The following MAPK8IP2 variants were observed in gnomAD, a reference collection of about 807,000 sequenced individuals.
The protein encoded by MAPK8IP2 is mitogen-activated protein kinase 8 interacting protein 2.
Under a neutral mutation model 75.6 loss-of-function variants are expected in MAPK8IP2, and 15 were observed. That is an observed-to-expected ratio of 0.20 (90% CI 0.13 to 0.31). The LOEUF (loss-of-function observed/expected upper bound fraction) is 0.31, where lower values mean the gene tolerates loss of function less well. MAPK8IP2 is among the 10% of genes least tolerant of loss of function. The pLI, the probability that MAPK8IP2 is intolerant of heterozygous loss-of-function variation, is 1.00. For missense variants in MAPK8IP2, 1,089 were observed against 1,211.2 expected (o/e 0.90, Z 1.50); for synonymous variants, 632 against 554.5 (o/e 1.14, Z -1.96).
rs982020188 is a variant in MAPK8IP2, at chr22:50,604,568, C to T, written c.1269C>T (p.Ala423=). ...TLCAPPPPAP[A]APRPGPAQPG... ...GCGCGCCGCCGCCGCCCGCGCCCGCCGCGCCTCGACCCGGCCCCGCGCAGC... is the reference window on the plus strand; with the variant it reads ...GCGCGCCGCCGCCGCCCGCGCCCGCTGCGCCTCGACCCGGCCCCGCGCAGC... Residue 423 remains alanine (A), a synonymous_variant, in exon 5 of 12, where the codon GCC becomes GCT. Coordinates refer to ENST00000329492, the MANE Select transcript of MAPK8IP2 (RefSeq NM_012324.6). 2.1e-5 allele frequency: 25 copies of T among 1,186,750 alleles called. No individual in the cohort carries two copies. The highest frequency in any genetic ancestry group is 4.2e-6 in the Non-Finnish European group (4 of 963,114). The allele number at this position is 1,186,750 out of a possible 1,614,324, so 73.5% of individuals were successfully genotyped here. A position where few individuals can be genotyped will look rare whatever the true frequency, so the allele number is the denominator to read the frequency against.
intron 2 of MAPK8IP2, among the ~76,000 whole-genome samples, 197 bp downstream of exon 2, chr22:50,602,091 C>T (rs139295091): frequency 2.0e-5 from 3 of 152,170 alleles, no homozygotes; most frequent in African/African-American, 2.4e-5. Flanking sequence ...CAGGCCTCCA[C>T]GCAGGGCCTT....
chr22:50,608,411 G>A (rs1218509380), intron 10 of MAPK8IP2, among the ~76,000 whole-genome samples: 2 of 127,248 alleles, frequency 1.6e-5, no homozygotes, highest in Non-Finnish European at 3.4e-5. Flanking sequence ...CAGACAGTGG[G>A]GCCAGCTCTG....
chr22:50,604,470 G>A lies in MAPK8IP2; in HGVS notation c.1171G>A (p.Ala391Thr), dbSNP rs1393002562. 6.7e-6 allele frequency: 9 copies of A among 1,352,624 alleles called. No homozygotes were observed. Among genetic ancestry groups the A allele is most frequent in the Non-Finnish European group, 8.5e-6 (9 of 1,057,726 alleles). 83.8% of individuals were successfully genotyped at this position (1,352,624 alleles called of 1,614,324 possible). A position where few individuals can be genotyped will look rare whatever the true frequency, so the allele number is the denominator to read the frequency against. Residue 391 changes from alanine to threonine, a missense_variant, in exon 5 of 12, where the codon GCC becomes ACC. Physicochemically the swap from Ala to Thr is moderately conservative, Grantham distance 58 (BLOSUM62 0). Around this residue, in one of 2 missense-constraint regions of MAPK8IP2, gnomAD observed 960 missense variants for 1,009.6 expected, o/e 0.95. Coordinates refer to ENST00000329492, the MANE Select transcript of MAPK8IP2 (RefSeq NM_012324.6). ...GCCCGTGTCGCCGGCCGGCGGGGCC[G>A]CCCAGGACTCCCAGGACCCCGAGGC... ...GEPVSPAGGA[A>T]QDSQDPEAAA...
At chr22:50,606,578 AGAG>A (rs1359787951) in intron 8 of MAPK8IP2, 77 bp from the exon 9 acceptor site, 2 of 943,644 alleles carry the variant, frequency 2.1e-6, no homozygotes, top group Non-Finnish European at 1.7e-6. Flanking sequence ...TAAAAGGAGC[AGAG>A]GCGTAGTCCC....
In MAPK8IP2 at chr22:50,607,221, C is replaced by T. The variant is rs1433081179; in HGVS notation, c.2303+230C>T. On this transcript the variant is annotated intron_variant, in intron 10 of 11. Coordinates refer to ENST00000329492, the MANE Select transcript of MAPK8IP2 (RefSeq NM_012324.6). The surrounding 1 kb of genome is among the most constrained non-coding windows in gnomAD (Gnocchi z 5.6). ...TCCAGTCTGGGTGGAGAGAGGCACA[C>T]GGGCGAAGGATGTGAGAAGCCTGTG... Among the ~76,000 whole-genome samples, 3 of 152,132 alleles carry T rather than the reference C, an allele frequency of 2.0e-5. No homozygotes were observed. Among genetic ancestry groups the T allele is most frequent in the Non-Finnish European group, 4.4e-5 (3 of 68,016 alleles).
Position 50,605,881 on chromosome 22 carries a change from G to T in MAPK8IP2, c.2071G>T (p.Val691Leu). 6.3e-7 allele frequency: 1 copy of T among 1,587,872 alleles called. No homozygotes were observed. The highest frequency in any genetic ancestry group is 8.6e-7 in the Non-Finnish European group (1 of 1,168,656). Residue 691 changes from valine (V) to leucine (L), a missense_variant, in exon 8 of 12, where the codon GTG becomes TTG. Coordinates refer to ENST00000329492, the MANE Select transcript of MAPK8IP2 (RefSeq NM_012324.6). The part of the protein sequence containing the change: ...ERFDVQFLGS[V>L]EVPCHQGNGI... ...CTTTGACGTGCAGTTCCTGGGCTCC[G>T]TGGAGGTGCCCTGCCACCAGGGCAA...
Position 50,600,816 on chromosome 22 carries a change from A to G in MAPK8IP2, c.-3A>G. The stretch of plus-strand genomic sequence containing the variant: ...CCGCAGTCGCGGGCCTCTCCCGGAG[A>G]AGATGGCGGATCGCGCGGAGATGTT... On this transcript the variant is annotated 5_prime_UTR_variant, in exon 1 of 12. Coordinates refer to ENST00000329492, the MANE Select transcript of MAPK8IP2 (RefSeq NM_012324.6). 7.8e-7 allele frequency: 1 copy of G among 1,284,600 alleles called. No homozygotes were observed. Among genetic ancestry groups the G allele is most frequent in the Non-Finnish European group, 1.0e-6 (1 of 989,546 alleles). The allele number at this position is 1,284,600 out of a possible 1,614,324, so 79.6% of individuals were successfully genotyped here.
intron 2 of MAPK8IP2, 88 bp from the exon 3 acceptor site, chr22:50,603,134 TG>T (rs2070964117): frequency 2.1e-5 from 34 of 1,604,156 alleles, no homozygotes; most frequent in Non-Finnish European, 2.8e-5. Context: ...CTTTGACTGA[TG>T]CTCCCCGATT....
chr22:50,604,502 G>C lies in MAPK8IP2; in HGVS notation c.1203G>C (p.Ala401=). Residue 401 remains alanine (A), a synonymous_variant, in exon 5 of 12, where the codon GCG becomes GCC. Transcript: ENST00000329492. The stretch of plus-strand genomic sequence containing the variant: ...ACTCCCAGGACCCCGAGGCGGCCGC[G>C]GGGCCCGGCGGCGTGGAGCTGGTGG... ...AQDSQDPEAA[A]GPGGVELVDM... 2 of 1,221,196 alleles carry C rather than the reference G, an allele frequency of 1.6e-6. No individual in the cohort carries two copies. Among genetic ancestry groups the C allele is most frequent in the South Asian group, 3.6e-5 (1 of 28,072 alleles). 75.6% of individuals were successfully genotyped at this position (1,221,196 alleles called of 1,614,324 possible). A position where few individuals can be genotyped will look rare whatever the true frequency, so the allele number is the denominator to read the frequency against.
intron 8 of MAPK8IP2, among the ~76,000 whole-genome samples, chr22:50,606,309 G>A (rs891293935): frequency 8.3e-6 from 1 of 121,008 alleles, no homozygotes; most frequent in Non-Finnish European, 1.9e-5. Flanking sequence ...GTGAGCACCT[G>A]CCCAGGCACC....
rs2071128854 is a variant in MAPK8IP2 at position 50,610,374 on chromosome 22, G to T, written c.2402+64G>T. 1 of 1,403,274 alleles carries T rather than the reference G, an allele frequency of 7.1e-7. No homozygotes were observed. The highest frequency in any genetic ancestry group is 2.0e-5 in the Admixed American group (1 of 51,050). 86.9% of individuals were successfully genotyped at this position (1,403,274 alleles called of 1,614,324 possible). ...AGGGTTACGGAGGTGGGGAGCGGAG[G>T]TGAGCAGGTGGGGGCAGGAGCCTGG... On this transcript the variant is annotated intron_variant, in intron 11 of 11. Transcript: ENST00000329492. This position sits in a 1 kb window ranked among gnomAD's most constrained non-coding sequence, Gnocchi z 4.3.
At position 50,605,390 on chromosome 22, in the gene MAPK8IP2, C is replaced by G; in HGVS notation, c.1788C>G (p.Phe596Leu). The G allele has an allele frequency of 6.2e-7, 1 of 1,613,714 alleles. No individual in the cohort carries two copies. Among genetic ancestry groups the G allele is most frequent in the Non-Finnish European group, 8.5e-7 (1 of 1,179,870 alleles). Residue 596 changes from phenylalanine to leucine, a missense_variant, in exon 6 of 12, where the codon TTC becomes TTG. Physicochemically the swap from Phe to Leu is conservative, Grantham distance 22 (BLOSUM62 0). This residue lies in a region of MAPK8IP2 where 960 missense variants were observed against 1,009.6 expected (regional missense o/e 0.95). Coordinates refer to ENST00000329492, the MANE Select transcript of MAPK8IP2 (RefSeq NM_012324.6). ...RSSSTESFGL[F>L]SCLVNGEERE... ...CAGGCACCGAGTCCTTTGGCCTTTT[C>G]TCCTGTCTGGTCAACGGCGAGGAGC...
In MAPK8IP2 at chr22:50,600,890, C is replaced by G. The variant is rs374445011; in HGVS notation, c.65+7C>G. The G allele has an allele frequency of 7.0e-5, 88 of 1,249,364 alleles. No individual in the cohort carries two copies. Among genetic ancestry groups the G allele is most frequent in the Admixed American group, 6.1e-4 (22 of 35,856 alleles). The allele number at this position is 1,249,364 out of a possible 1,614,324, so 77.4% of individuals were successfully genotyped here. On this transcript the variant is annotated splice_region_variant and intron_variant, in intron 1 of 11. Transcript: ENST00000329492. Reference sequence around the variant, plus strand: ...TGTCGCCGCCGGGCTGCAGGTACCCCCCTCGGCGCCCGGGCCGGGCGGACC... The same window carrying G: ...TGTCGCCGCCGGGCTGCAGGTACCCGCCTCGGCGCCCGGGCCGGGCGGACC...
Position 50,610,793 on chromosome 22 carries a change from C to G in MAPK8IP2, c.*14C>G. On this transcript the variant is annotated 3_prime_UTR_variant, in exon 12 of 12. Coordinates refer to ENST00000329492, the MANE Select transcript of MAPK8IP2 (RefSeq NM_012324.6). This position sits in a 1 kb window ranked among gnomAD's most constrained non-coding sequence, Gnocchi z 4.3. ...TACCTGGAGTAGCCTGCCCACCGCT[C>G]TGTCTCCTGGCCGTCTGCTCCAGGC... 1 of 1,596,280 alleles carries G rather than the reference C, an allele frequency of 6.3e-7. No individual in the cohort carries two copies. The highest frequency in any genetic ancestry group is 8.5e-7 in the Non-Finnish European group (1 of 1,172,056).
chr22:50,609,930 G>T (rs1242923149), intron 10 of MAPK8IP2: 1 of 619,942 alleles, frequency 1.6e-6, no homozygotes, highest in East Asian at 3.6e-5. Context: ...CCTGAATAGG[G>T]CCACAGAGGG....
In MAPK8IP2 at chr22:50,605,304, C is replaced by G. The variant is rs139935871; in HGVS notation, c.1766-64C>G. On this transcript the variant is annotated intron_variant, in intron 5 of 11. Coordinates refer to ENST00000329492, the MANE Select transcript of MAPK8IP2 (RefSeq NM_012324.6). ...ACTTGGCCTCTGCCCAAGGCCAGGCCTCTAAGCACTACTCTGACTCTGTCT... is the reference window on the plus strand; with the variant it reads ...ACTTGGCCTCTGCCCAAGGCCAGGCGTCTAAGCACTACTCTGACTCTGTCT... 8 of 1,505,144 alleles carry G rather than the reference C, an allele frequency of 5.3e-6. No individual in the cohort carries two copies. The African/African-American group carries it at 1.1e-4, about 21-fold the overall frequency. 93.2% of individuals were successfully genotyped at this position (1,505,144 alleles called of 1,614,324 possible). A position where few individuals can be genotyped will look rare whatever the true frequency, so the allele number is the denominator to read the frequency against.
At position 50,604,933 on chromosome 22, in the gene MAPK8IP2, G is replaced by C; in HGVS notation, c.1634G>C (p.Ser545Thr). The C allele has an allele frequency of 6.2e-7, 1 of 1,609,540 alleles. No individual in the cohort carries two copies. The highest frequency in any genetic ancestry group is 1.3e-5 in the African/African-American group (1 of 75,000). The change falls in exon 5 of 12, where the codon AGC becomes ACC. Residue 545 changes from serine (S) to threonine (T), a missense_variant. By Grantham distance (58) the Ser-to-Thr change is moderately conservative (BLOSUM62 1). This residue lies in a region of MAPK8IP2 where 960 missense variants were observed against 1,009.6 expected (regional missense o/e 0.95). Coordinates refer to ENST00000329492, the MANE Select transcript of MAPK8IP2 (RefSeq NM_012324.6). ...GAAGAGGACAGCGGCGGGGAGGCCA[G>C]CGAGGAGGAGGCGGGCGCGGCGCTG... is the stretch of plus-strand genomic sequence containing the variant. Reference protein sequence around the residue: ...DSEEDSGGEASEEEAGAALLG... With the variant: ...DSEEDSGGEATEEEAGAALLG...
In MAPK8IP2 at chr22:50,604,557, C is replaced by G; in HGVS notation, c.1258C>G (p.Pro420Ala). Reference sequence around the variant, plus strand: ...GGAGACGCTGTGCGCGCCGCCGCCGCCCGCGCCCGCCGCGCCTCGACCCGG... The same window carrying G: ...GGAGACGCTGTGCGCGCCGCCGCCGGCCGCGCCCGCCGCGCCTCGACCCGG... ...DMETLCAPPP[P>A]APAAPRPGPA... Residue 420 changes from proline to alanine, a missense_variant, in exon 5 of 12, where the codon CCC becomes GCC. By Grantham distance (27) the Pro-to-Ala change is conservative (BLOSUM62 -1). Coordinates refer to ENST00000329492, the MANE Select transcript of MAPK8IP2 (RefSeq NM_012324.6). 3.4e-6 allele frequency: 4 copies of G among 1,160,656 alleles called. No individual in the cohort carries two copies. The highest frequency in any genetic ancestry group is 4.2e-6 in the Non-Finnish European group (4 of 946,586). 71.9% of individuals were successfully genotyped at this position (1,160,656 alleles called of 1,614,324 possible).
Position 50,607,127 on chromosome 22 carries a change from T to G in MAPK8IP2, c.2303+136T>G. 2.8e-6 allele frequency: 2 copies of G among 705,034 alleles called. No individual in the cohort carries two copies. The highest frequency in any genetic ancestry group is 1.6e-5 in the South Asian group (1 of 61,564). 43.7% of individuals were successfully genotyped at this position (705,034 alleles called of 1,614,324 possible). On this transcript the variant is annotated intron_variant, in intron 10 of 11. Transcript: ENST00000329492. The surrounding 1 kb of genome is among the most constrained non-coding windows in gnomAD (Gnocchi z 5.6). Reference sequence around the variant, plus strand: ...AGCTCCACCTGCACCCACTTAGCTCTGTGAGCTGAGCCTGCAGTGGCGCCT... The same window carrying G: ...AGCTCCACCTGCACCCACTTAGCTCGGTGAGCTGAGCCTGCAGTGGCGCCT...
Sources: allele counts gnomAD v4.1 joint callset (sites outside exome capture counted in the v4.1 genomes callset), GRCh38; gene constraint gnomAD v4.1.1; regional missense constraint gnomAD v4.1.1; non-coding constraint Gnocchi (gnomAD v3.1); transcripts MANE v1.5; gene names NCBI Gene and HGNC (gene_info 2026-07-23, HGNC 2026-07-21).